Variants in KLHL3 observed in about 807,000 individuals in gnomAD.
KLHL3 encodes kelch like family member 3.
KLHL3 carries 19 observed loss-of-function variants against 70.5 expected under a neutral mutation model. That is an observed-to-expected ratio of 0.27 (90% CI 0.19 to 0.40). The LOEUF (loss-of-function observed/expected upper bound fraction) is 0.40. Among genes scored for constraint, KLHL3 ranks in the 10% least tolerant of loss-of-function variants. KLHL3 has a pLI of 1.00. For synonymous variants in KLHL3, 258 were observed against 290.3 expected (o/e 0.89, Z 1.13); for missense variants, 512 against 771.1 (o/e 0.66, Z 3.98).
chr5:137,647,528 T>C (rs965356518), intron 8 of KLHL3: 2 of 471,882 alleles, frequency 4.2e-6, no homozygotes, highest in Admixed American at 4.7e-5. Context: ...GTAGAATGCA[T>C]GTCCAAACTC....
At chr5:137,691,186 G>C (rs1752312246) in intron 5 of KLHL3, among the ~76,000 whole-genome samples, 1 of 152,154 alleles carries the variant, frequency 6.6e-6, no homozygotes, top group African/African-American at 2.4e-5. Flanking sequence ...GTTCTAACAA[G>C]AATTAGTGGT....
chr5:137,651,381 C>T (rs568517192), intron 8 of KLHL3, among the ~76,000 whole-genome samples: 132 of 152,122 alleles, frequency 8.7e-4, no homozygotes, highest in Non-Finnish European at 1.6e-3. Flanking sequence ...GACCTCTCCC[C>T]CATTAAATAA....
intron 8 of KLHL3, among the ~76,000 whole-genome samples, chr5:137,656,402 C>G (rs1047123599): frequency 6.6e-6 from 1 of 152,158 alleles, no homozygotes; most frequent in Admixed American, 6.5e-5. Context: ...ATCTGTATAG[C>G]AATACACTGT....
intron 1 of KLHL3, among the ~76,000 whole-genome samples, chr5:137,724,080 A>G (rs1297381921): frequency 6.6e-6 from 1 of 152,236 alleles, no homozygotes; most frequent in Non-Finnish European, 1.5e-5. Flanking sequence ...GATGAATGAC[A>G]CATATATTTT....
At chr5:137,696,878 G>A (rs1042915829) in intron 4 of KLHL3, among the ~76,000 whole-genome samples, 1 of 152,158 alleles carries the variant, frequency 6.6e-6, no homozygotes, top group Non-Finnish European at 1.5e-5. Flanking sequence ...ATGACTGCTG[G>A]TACCTCCACC....
intron 5 of KLHL3, among the ~76,000 whole-genome samples, chr5:137,683,300 G>T (rs1007511456): frequency 7.9e-5 from 12 of 152,050 alleles, no homozygotes; most frequent in African/African-American, 2.9e-4. Context: ...ATAATTCCCA[G>T]GGCCAGCAGC....
intron 8 of KLHL3, among the ~76,000 whole-genome samples, chr5:137,645,726 C>T (rs1320643236): frequency 6.6e-6 from 1 of 151,894 alleles, no homozygotes; most frequent in Admixed American, 6.6e-5. Flanking sequence ...GCTCATACTA[C>T]CTAAAGCAAT....
chr5:137,736,051 C>T lies in KLHL3; in HGVS notation c.-405G>A, dbSNP rs1753256491. Reference sequence around the variant, plus strand: ...CCCCAGCCCAGGCGATTAGCCCGCCCCTGGGGCTCCTGCCTCCTCTGTCTA... The same window carrying T: ...CCCCAGCCCAGGCGATTAGCCCGCCTCTGGGGCTCCTGCCTCCTCTGTCTA... On this transcript the variant is annotated 5_prime_UTR_variant, in exon 1 of 15. Coordinates refer to ENST00000309755, the MANE Select transcript of KLHL3 (RefSeq NM_017415.3). The T allele has an allele frequency of 1.8e-5, 6 of 335,082 alleles. No individual in the cohort carries two copies. The highest frequency in any genetic ancestry group is 5.6e-5 in the South Asian group (2 of 35,986). The allele number at this position is 335,082 out of a possible 1,614,324, so 20.8% of individuals were successfully genotyped here. A position where few individuals can be genotyped will look rare whatever the true frequency, so the allele number is the denominator to read the frequency against.
intron 5 of KLHL3, among the ~76,000 whole-genome samples, chr5:137,690,540 T>C (rs1752294395): frequency 6.6e-6 from 1 of 151,930 alleles, no homozygotes; most frequent in Non-Finnish European, 1.5e-5. Context: ...CCAGAAAGAA[T>C]CAGCAGGACT....
chr5:137,725,419 A>C (rs995413933), intron 1 of KLHL3, among the ~76,000 whole-genome samples: 3 of 152,206 alleles, frequency 2.0e-5, no homozygotes, highest in Non-Finnish European at 4.4e-5. Context: ...CCCAGATTCT[A>C]CTAAAAACTA....
intron 1 of KLHL3, among the ~76,000 whole-genome samples, chr5:137,722,253 C>T (rs773472591): frequency 1.1e-4 from 17 of 152,212 alleles, no homozygotes; most frequent in Non-Finnish European, 1.9e-4. Flanking sequence ...CATTCAAATA[C>T]GACCAGCGTG....
chr5:137,665,213 A>C (rs1751584279), intron 6 of KLHL3, among the ~76,000 whole-genome samples: 1 of 152,240 alleles, frequency 6.6e-6, no homozygotes, highest in African/African-American at 2.4e-5. Flanking sequence ...AGAGATTTAT[A>C]GACAAGGCAA....
chr5:137,640,101 CTACA>C, intron 8 of KLHL3, 124 bp from the exon 9 acceptor site: 1 of 772,640 alleles, frequency 1.3e-6, no homozygotes, highest in Non-Finnish European at 2.2e-6. Context: ...GTTTACAGAG[CTACA>C]TACATGGGGA....
At chr5:137,713,467 T>C (rs1269154859) in intron 2 of KLHL3, among the ~76,000 whole-genome samples, 2 of 152,200 alleles carry the variant, frequency 1.3e-5, no homozygotes, top group African/African-American at 2.4e-5. Context: ...CTGGGACAAC[T>C]GGATATCCAT....
intron 6 of KLHL3, among the ~76,000 whole-genome samples, chr5:137,668,327 C>T (rs1443792258): frequency 6.6e-6 from 1 of 152,140 alleles, no homozygotes; most frequent in African/African-American, 2.4e-5. Context: ...AGGAAAATCG[C>T]TTGAACCCAG....
chr5:137,720,905 G>A (rs1381960861), intron 1 of KLHL3: 1 of 1,083,826 alleles, frequency 9.2e-7, no homozygotes, highest in Non-Finnish European at 1.1e-6. Context: ...TCACAGGTTT[G>A]TTTGTTCATT....
At chr5:137,687,010 G>A (rs1255869116) in intron 5 of KLHL3, among the ~76,000 whole-genome samples, 223 of 99,714 alleles carry the variant, frequency 2.2e-3, no homozygotes, top group Middle Eastern at 6.5e-3. Context: ...CGCCCCATCC[G>A]GGAGGGAGGT....
chr5:137,636,503 C>G (rs902084166), intron 11 of KLHL3, among the ~76,000 whole-genome samples: 1 of 152,214 alleles, frequency 6.6e-6, no homozygotes, highest in Non-Finnish European at 1.5e-5. Flanking sequence ...ATTTACAGAA[C>G]TCCTACCTAC....
chr5:137,709,985 C>CT, intron 2 of KLHL3, 129 bp from the exon 3 acceptor site: 1 of 721,806 alleles, frequency 1.4e-6, no homozygotes, highest in Non-Finnish European at 2.4e-6. Context: ...GGGACTTGCT[C>CT]TATCTTGAGT....
Sources: gnomAD v4.1 joint callset for allele counts (sites outside exome capture counted in the v4.1 genomes callset) on GRCh38, gnomAD v4.1.1 for gene constraint, MANE v1.5 for transcripts, NCBI Gene and HGNC (gene_info 2026-07-23, HGNC 2026-07-21) for gene names.